The following TUSC3 variants were observed in gnomAD, a reference collection of about 807,000 sequenced individuals.
TUSC3 encodes the protein tumor suppressor candidate 3.
TUSC3 carries 45 observed loss-of-function variants against 44.8 expected under a neutral mutation model. The ratio of observed to expected loss-of-function variants is 1.00; its 90% CI spans 0.79 to 1.29. The LOEUF is 1.29. Among genes scored for constraint, TUSC3 ranks in the 50% most tolerant of loss-of-function variants. The probability of loss-of-function intolerance (pLI) is 0.00; values close to 1 mark genes in which losing one functional copy is unlikely to be tolerated. For synonymous variants in TUSC3, 212 were observed against 152.9 expected, an observed-to-expected ratio of 1.39 and a Z score of -2.85; for missense variants, 519 against 437.9, an observed-to-expected ratio of 1.19 and a Z score of -1.65.
At chr8:15,790,298 G>T in the TUSC3 span, among the ~76,000 whole-genome samples, 1 of 144,274 alleles carries the variant, frequency 6.9e-6, no homozygotes, top group African/African-American at 2.6e-5. Flanking sequence ...CGATTCTCCT[G>T]CCTCAGCCTC....
At chr8:15,818,262 G>A in the TUSC3 span, among the ~76,000 whole-genome samples, 28 of 152,256 alleles carry the variant, frequency 1.8e-4, no homozygotes, top group Non-Finnish European at 3.2e-4. Flanking sequence ...TGGAGAGAGC[G>A]TGTATTCAGA....
intron 1 of TUSC3, among the ~76,000 whole-genome samples, chr8:15,565,692 C>T (rs750615966): frequency 1.3e-5 from 2 of 152,090 alleles, no homozygotes; most frequent in African/African-American, 4.8e-5. Flanking sequence ...TACTTTCATG[C>T]TTGGAACACA....
intron 2 of TUSC3, among the ~76,000 whole-genome samples, chr8:15,519,444 C>T (rs1428768524): frequency 1.3e-5 from 2 of 152,134 alleles, no homozygotes; most frequent in Non-Finnish European, 2.9e-5. Flanking sequence ...TCCTCAGTCC[C>T]TCAGCCACAG....
chr8:15,421,201 T>G (rs1347705375), intron 1 of TUSC3, among the ~76,000 whole-genome samples: 1 of 152,134 alleles, frequency 6.6e-6, no homozygotes, highest in Non-Finnish European at 1.5e-5. Context: ...TAAAGTTAGA[T>G]CTTGTAACCC....
chr8:15,538,335 T>C (rs1015381479), upstream of TUSC3, among the ~76,000 whole-genome samples: 1 of 152,204 alleles, frequency 6.6e-6, no homozygotes, highest in Non-Finnish European at 1.5e-5. Flanking sequence ...TTTGCTGAAA[T>C]AAGGTGTAAA....
intron 2 of TUSC3, among the ~76,000 whole-genome samples, chr8:15,507,662 A>G (rs935635070): frequency 6.6e-6 from 1 of 152,192 alleles, no homozygotes; most frequent in African/African-American, 2.4e-5. Context: ...TATGTTATAC[A>G]AAATACAAAA....
chr8:15,573,202 C>CTCTCTCTCTATA (rs1435847916), intron 1 of TUSC3, among the ~76,000 whole-genome samples: 3 of 74,200 alleles, frequency 4.0e-5, no homozygotes, highest in African/African-American at 5.4e-5. Context: ...CTCTCTCTCT[C>CTCTCTCTCTATA]TATATATATA....
At chr8:15,706,741 T>C (rs1368132299) in intron 6 of TUSC3, among the ~76,000 whole-genome samples, 1 of 152,030 alleles carries the variant, frequency 6.6e-6, no homozygotes, top group African/African-American at 2.4e-5. Context: ...TGCATTGAAC[T>C]CTTGATTGTG....
intron 1 of TUSC3, among the ~76,000 whole-genome samples, chr8:15,448,622 C>G (rs1221599289): frequency 6.6e-6 from 1 of 151,916 alleles, no homozygotes; most frequent in Non-Finnish European, 1.5e-5. Context: ...GTGTTAGAAG[C>G]AATGTTTTAG....
At chr8:15,601,514 T>C (rs531189695) in intron 1 of TUSC3, among the ~76,000 whole-genome samples, 1 of 151,804 alleles carries the variant, frequency 6.6e-6, no homozygotes, top group South Asian at 2.1e-4. Flanking sequence ...TTGGAGAATT[T>C]TTGGTTGTTT....
chr8:15,702,270 C>G (rs1472276351), intron 6 of TUSC3, among the ~76,000 whole-genome samples: 1 of 152,206 alleles, frequency 6.6e-6, no homozygotes, highest in African/African-American at 2.4e-5. Flanking sequence ...GTAAGAAACC[C>G]TTTTGTAAAC....
At chr8:15,544,190 G>A (rs913402915) in intron 1 of TUSC3, among the ~76,000 whole-genome samples, 1 of 152,014 alleles carries the variant, frequency 6.6e-6, no homozygotes, top group African/African-American at 2.4e-5. Context: ...CTTTTTAGTA[G>A]TGTATCATTT....
the TUSC3 span, among the ~76,000 whole-genome samples, chr8:15,844,848 A>G: frequency 6.6e-6 from 1 of 152,182 alleles, no homozygotes; most frequent in Admixed American, 6.6e-5. Context: ...TTTACATTAA[A>G]GCAATTTAAT....
intron 6 of TUSC3, among the ~76,000 whole-genome samples, chr8:15,723,081 T>C (rs1367241611): frequency 6.6e-6 from 1 of 152,156 alleles, no homozygotes; most frequent in African/African-American, 2.4e-5. Context: ...CTGGTCAGTT[T>C]CATGCACACA....
At position 15,650,786 on chromosome 8, in the gene TUSC3, A is replaced by C. The variant is rs533911981; in HGVS notation, c.398A>C (p.Tyr133Ser). 3.7e-6 allele frequency: 6 copies of C among 1,614,194 alleles called. No individual in the cohort carries two copies. The highest frequency in any genetic ancestry group is 5.1e-6 in the Non-Finnish European group (6 of 1,180,030). ...AAGCTCTTCTTCAGTATGGTGGACT[A>C]TGATGAGGGGACAGACGTTTTTCAG... ...CNKLFFSMVD[Y>S]DEGTDVFQQL... Residue 133 changes from tyrosine (Y) to serine (S), a missense_variant, in exon 3 of 11, where the codon TAT becomes TCT. Coordinates refer to ENST00000503731, the MANE Select transcript of TUSC3 (RefSeq NM_006765.4).
intron 6 of TUSC3, among the ~76,000 whole-genome samples, chr8:15,701,490 A>G (rs1436887879): frequency 6.6e-6 from 1 of 152,142 alleles, no homozygotes; most frequent in Non-Finnish European, 1.5e-5. Flanking sequence ...TCAGGAAGGA[A>G]GTTAATTTTG....
the TUSC3 span, among the ~76,000 whole-genome samples, chr8:15,797,291 A>G: frequency 6.6e-6 from 1 of 152,222 alleles, no homozygotes; most frequent in South Asian, 2.1e-4. Context: ...GGAATGCCCA[A>G]GAGAGGTACA....
intron 1 of TUSC3, among the ~76,000 whole-genome samples, chr8:15,564,560 G>A (rs890600725): frequency 6.6e-6 from 1 of 152,008 alleles, no homozygotes; most frequent in African/African-American, 2.4e-5. Context: ...TTTTCCTTCT[G>A]TGTCTTTCAT....
At chr8:15,749,284 C>G (rs972295979) in intron 9 of TUSC3, among the ~76,000 whole-genome samples, 28 of 152,114 alleles carry the variant, frequency 1.8e-4, no homozygotes, top group African/African-American at 4.1e-4. Flanking sequence ...TCAAAGCCTA[C>G]ATTTCTTCCA....
Sources: allele counts gnomAD v4.1 joint callset (sites outside exome capture counted in the v4.1 genomes callset), GRCh38; gene constraint gnomAD v4.1.1; transcripts MANE v1.5; gene names NCBI Gene and HGNC (gene_info 2026-07-23, HGNC 2026-07-21).